TRHDE: variants seen among roughly 807,000 people sequenced by gnomAD.
TRHDE encodes the protein thyrotropin-releasing hormone-degrading ectoenzyme.
TRHDE carries 72 observed loss-of-function variants against 125.7 expected under a neutral mutation model. The ratio of observed to expected loss-of-function variants is 0.57; its 90% CI spans 0.47 to 0.70. The LOEUF (loss-of-function observed/expected upper bound fraction) is 0.70. TRHDE is among the 30% of genes least tolerant of loss of function. The pLI, the probability that TRHDE is intolerant of heterozygous loss-of-function variation, is 0.00. For missense variants in TRHDE, 1,110 were observed against 1,327.1 expected, an observed-to-expected ratio of 0.84 and a Z score of 2.54; for synonymous variants, 509 against 509.1, an observed-to-expected ratio of 1.00 and a Z score of 0.00.
chr12:72,405,884 A>G (rs1251062012), intron 3 of TRHDE, among the ~76,000 whole-genome samples: 2 of 152,200 alleles, frequency 1.3e-5, no homozygotes, highest in African/African-American at 4.8e-5. Context: ...AATTCATATC[A>G]CTATTACCTT....
intron 3 of TRHDE, among the ~76,000 whole-genome samples, chr12:72,460,702 A>G (rs1411229960): frequency 1.3e-5 from 2 of 152,180 alleles, no homozygotes; most frequent in East Asian, 3.9e-4. Flanking sequence ...TCACCAGTGG[A>G]TGGCAAGAAG....
intron 2 of TRHDE, among the ~76,000 whole-genome samples, chr12:72,227,198 T>C (rs576091792): frequency 5.6e-4 from 86 of 152,340 alleles, no homozygotes; most frequent in African/African-American, 1.9e-3. Flanking sequence ...TGTATTAGTC[T>C]TTTCTCATGC....
At chr12:72,338,020 C>A (rs972384297) in intron 2 of TRHDE, among the ~76,000 whole-genome samples, 1 of 152,062 alleles carries the variant, frequency 6.6e-6, no homozygotes. Context: ...TAGAAAATTT[C>A]GAATCTGCAG....
intron 2 of TRHDE, among the ~76,000 whole-genome samples, chr12:72,126,144 C>T (rs1875708093): frequency 6.6e-6 from 1 of 152,116 alleles, no homozygotes; most frequent in South Asian, 2.1e-4. Context: ...CCTGGGAATA[C>T]ATCTAACCAA....
intron 2 of TRHDE, among the ~76,000 whole-genome samples, chr12:72,295,723 C>T (rs1045551579): frequency 1.3e-5 from 2 of 152,012 alleles, no homozygotes; most frequent in African/African-American, 4.8e-5. Context: ...CTACTGAAAA[C>T]AAATTAAGTC....
intron 2 of TRHDE, among the ~76,000 whole-genome samples, chr12:72,194,327 A>G (rs1443082165): frequency 6.6e-6 from 1 of 151,972 alleles, no homozygotes; most frequent in Non-Finnish European, 1.5e-5. Flanking sequence ...CATTACCAAG[A>G]CCTCTCATTT....
At chr12:72,361,637 G>A (rs1172146635) in intron 2 of TRHDE, among the ~76,000 whole-genome samples, 1 of 150,100 alleles carries the variant, frequency 6.7e-6, no homozygotes, top group South Asian at 2.1e-4. Flanking sequence ...ATGTATACAT[G>A]TGCCATGCTG....
At chr12:72,441,658 G>A (rs1354694554) in intron 3 of TRHDE, among the ~76,000 whole-genome samples, 1 of 151,846 alleles carries the variant, frequency 6.6e-6, no homozygotes, top group South Asian at 2.1e-4. Context: ...AATGAAGAGA[G>A]CTGTTATAGG....
At chr12:72,541,065 ACAGCAGTCCAGTCCCTGG>A (rs1869122564) in intron 6 of TRHDE, among the ~76,000 whole-genome samples, 1 of 151,528 alleles carries the variant, frequency 6.6e-6, no homozygotes, top group East Asian at 1.9e-4. Flanking sequence ...GCTGGACTGG[ACAGCAGTCCAGTCCCTGG>A]CTGAATGATT....
chr12:72,318,817 G>A (rs34976533), intron 2 of TRHDE, among the ~76,000 whole-genome samples: 45,735 of 151,938 alleles, frequency 0.3, 8,733 homozygotes, highest in Non-Finnish European at 0.43. Context: ...CCTGGCAGGT[G>A]GTAAAATCTC....
At chr12:72,221,412 G>C (rs1337511208) in intron 2 of TRHDE, among the ~76,000 whole-genome samples, 2 of 151,980 alleles carry the variant, frequency 1.3e-5, no homozygotes, top group Non-Finnish European at 2.9e-5. Context: ...AAGCTAATCA[G>C]TAATCTTTTT....
intron 3 of TRHDE, among the ~76,000 whole-genome samples, chr12:72,454,990 T>G (rs1335056272): frequency 2.6e-5 from 4 of 152,172 alleles, no homozygotes; most frequent in Non-Finnish European, 4.4e-5. Context: ...GATCTTAGGC[T>G]TCCCCAAACA....
In TRHDE at chr12:72,435,488, G is replaced by T. The variant is rs994060480; in HGVS notation, c.1316-34270G>T. Reference sequence around the variant, plus strand: ...TTCTCACCTAAATCTCTTCCAATCAGGTTTGTTACATGTTTGATTCGAATA... The same window carrying T: ...TTCTCACCTAAATCTCTTCCAATCATGTTTGTTACATGTTTGATTCGAATA... On this transcript the variant is annotated intron_variant, in intron 3 of 18. Transcript: ENST00000261180. Among the ~76,000 whole-genome samples the T allele has an allele frequency of 3.3e-5, 5 of 151,856 alleles. No individual in the cohort carries two copies. The East Asian group carries it at 9.7e-4, about 29-fold the overall frequency.
intron 15 of TRHDE, among the ~76,000 whole-genome samples, chr12:72,629,735 T>C (rs1035369827): frequency 5.3e-5 from 8 of 151,712 alleles, no homozygotes; most frequent in Non-Finnish European, 1.0e-4. Flanking sequence ...ATTGCAATCA[T>C]TGCCAACCAC....
chr12:72,284,565 A>G (rs1237313101), intron 1 of TRHDE, among the ~76,000 whole-genome samples: 1 of 152,212 alleles, frequency 6.6e-6, no homozygotes, highest in Non-Finnish European at 1.5e-5. Flanking sequence ...GAAAAATATT[A>G]CCATGATACT....
At chr12:72,559,765 A>G (rs997920875) in intron 7 of TRHDE, among the ~76,000 whole-genome samples, 2 of 152,182 alleles carry the variant, frequency 1.3e-5, no homozygotes, top group African/African-American at 2.4e-5. Context: ...ATATTCACTG[A>G]CTTAGAGGTT....
chr12:72,336,407 A>G (rs983668914), intron 2 of TRHDE, among the ~76,000 whole-genome samples: 1 of 152,138 alleles, frequency 6.6e-6, no homozygotes, highest in Admixed American at 6.5e-5. Context: ...CAGCTCAAGG[A>G]TTGTCCTCTC....
At chr12:72,556,131 A>G (rs1228759850) in intron 7 of TRHDE, among the ~76,000 whole-genome samples, 2 of 152,202 alleles carry the variant, frequency 1.3e-5, no homozygotes, top group African/African-American at 4.8e-5. Flanking sequence ...ACAAAAGCCT[A>G]ACTGATGTAC....
chr12:72,552,058 C>T (rs914434859), intron 7 of TRHDE, among the ~76,000 whole-genome samples: 1 of 152,136 alleles, frequency 6.6e-6, no homozygotes, highest in Non-Finnish European at 1.5e-5. Flanking sequence ...GTGAGGTGAG[C>T]AGCAGCCAAC....
Sources: gnomAD v4.1 joint callset for allele counts (sites outside exome capture counted in the v4.1 genomes callset) on GRCh38, gnomAD v4.1.1 for gene constraint, MANE v1.5 for transcripts, NCBI Gene and HGNC (gene_info 2026-07-23, HGNC 2026-07-21) for gene names.